SARM1: variants seen among roughly 807,000 people sequenced by gnomAD.
SARM1 encodes the protein NAD(+) hydrolase SARM1.
A neutral mutation model predicts 65.1 loss-of-function variants in SARM1; 60 were observed. That is an observed-to-expected ratio of 0.92 (90% CI 0.75 to 1.14). The LOEUF (loss-of-function observed/expected upper bound fraction) is 1.14. SARM1 is among the 50% of genes most tolerant of loss of function. The pLI is 0.00. For missense variants in SARM1, 913 were observed against 1,015.7 expected, an observed-to-expected ratio of 0.90 and a Z score of 1.37; for synonymous variants, 417 against 465.4, an observed-to-expected ratio of 0.90 and a Z score of 1.34.
In SARM1 at chr17:28,385,926, A is replaced by T. The variant is rs1555585979; in HGVS notation, c.1630+651A>T. On this transcript the variant is annotated intron_variant, in intron 5 of 8. Transcript: ENST00000585482. The surrounding 1 kb of genome is among the most constrained non-coding windows in gnomAD (Gnocchi z 4.5). ...TATTATCCCATCAGTCTCTATATTG[A>T]TTCTATGCAATGAGTGTTCAGTTTT... 6.6e-6 allele frequency among the ~76,000 whole-genome samples: 1 copy of T among 152,200 alleles called. No homozygotes were observed. Among genetic ancestry groups the T allele is most frequent in the African/African-American group, 2.4e-5 (1 of 41,452 alleles).
chr17:28,374,898 A>T (rs1555584451), intron 1 of SARM1, among the ~76,000 whole-genome samples: 1 of 139,964 alleles, frequency 7.1e-6, no homozygotes, highest in African/African-American at 2.7e-5. Context: ...GCTTGAGCCC[A>T]GGAGGCGGAG....
chr17:28,399,410 A>T lies in SARM1; in HGVS notation c.*3124A>T, dbSNP rs538237589. On this transcript the variant is annotated 3_prime_UTR_variant, in exon 9 of 9. Transcript: ENST00000585482. ...AAAGGGAGAACTGACTCCTGTCCCAAATAGCTCCTCTGCCACCTGTCCTGC... is the reference window on the plus strand; with the variant it reads ...AAAGGGAGAACTGACTCCTGTCCCATATAGCTCCTCTGCCACCTGTCCTGC... 4 of 536,602 alleles carry T rather than the reference A, an allele frequency of 7.5e-6. No homozygotes were observed. The African/African-American group carries it at 7.6e-5, about 10-fold the overall frequency. 33.2% of individuals were successfully genotyped at this position (536,602 alleles called of 1,614,324 possible).
At position 28,388,553 on chromosome 17, in the gene SARM1, T is replaced by C; in HGVS notation, c.1923+14T>C. 1.2e-6 allele frequency: 2 copies of C among 1,609,584 alleles called. No homozygotes were observed. Among genetic ancestry groups the C allele is most frequent in the Non-Finnish European group, 1.7e-6 (2 of 1,178,938 alleles). On this transcript the variant is annotated intron_variant, in intron 7 of 8. Transcript: ENST00000585482. ...TGGGTGCATAAGGTAGGTGCCTGCCTATGCTTCTGCGGTCCCAGCATTGGC... is the reference window on the plus strand; with the variant it reads ...TGGGTGCATAAGGTAGGTGCCTGCCCATGCTTCTGCGGTCCCAGCATTGGC...
Position 28,381,116 on chromosome 17 carries a change from G to A in SARM1, c.471-87G>A, listed in dbSNP as rs1387330337. The A allele has an allele frequency of 6.9e-6, 10 of 1,446,994 alleles. No homozygotes were observed. In the East Asian group the frequency reaches 1.5e-4, roughly 21 times the overall value. 89.6% of individuals were successfully genotyped at this position (1,446,994 alleles called of 1,614,324 possible). A position where few individuals can be genotyped will look rare whatever the true frequency, so the allele number is the denominator to read the frequency against. On this transcript the variant is annotated intron_variant, in intron 1 of 8. Coordinates refer to ENST00000585482, the MANE Select transcript of SARM1 (RefSeq NM_015077.4). Reference sequence around the variant, plus strand: ...CTATATGAGGCCGGTGAGGCCCAGAGAGGGTTAGTGACCAGGCCCCAAACG... The same window carrying A: ...CTATATGAGGCCGGTGAGGCCCAGAAAGGGTTAGTGACCAGGCCCCAAACG...
chr17:28,393,833 G>C (rs2068093787), intron 7 of SARM1, among the ~76,000 whole-genome samples: 1 of 152,224 alleles, frequency 6.6e-6, no homozygotes, highest in Non-Finnish European at 1.5e-5. Context: ...ATGTCTGGCA[G>C]AGAAGACAAA....
At chr17:28,389,121 G>A (rs1229671416) in intron 7 of SARM1, among the ~76,000 whole-genome samples, 2 of 152,150 alleles carry the variant, frequency 1.3e-5, no homozygotes, top group African/African-American at 2.4e-5. Context: ...AGAGCATAGC[G>A]ACAGGCAGAA....
Position 28,384,951 on chromosome 17 carries a change from C to G in SARM1, c.1394+21C>G, listed in dbSNP as rs782057307. On this transcript the variant is annotated intron_variant, in intron 4 of 8. Coordinates refer to ENST00000585482, the MANE Select transcript of SARM1 (RefSeq NM_015077.4). This position sits in a 1 kb window ranked among gnomAD's most constrained non-coding sequence, Gnocchi z 4.4. ...AAGAGGTACGGAGCCTCCTGCCCGC[C>G]GGACCCCAGCTAGGTCTAAATAAGC... The G allele has an allele frequency of 6.3e-7, 1 of 1,576,644 alleles. No individual in the cohort carries two copies. Among genetic ancestry groups the G allele is most frequent in the South Asian group, 1.2e-5 (1 of 86,682 alleles).
rs782159153 is a variant in SARM1 at position 28,402,314 on chromosome 17, C to A, written c.*6028C>A. 6.2e-7 allele frequency: 1 copy of A among 1,613,088 alleles called. No homozygotes were observed. The highest frequency in any genetic ancestry group is 1.1e-5 in the South Asian group (1 of 90,832). On this transcript the variant is annotated 3_prime_UTR_variant, in exon 9 of 9. Coordinates refer to ENST00000585482, the MANE Select transcript of SARM1 (RefSeq NM_015077.4). Reference sequence around the variant, plus strand: ...TGATGACTAATGACAGGAAAAGCAACCCATATCCTGTGGAGAAACAAACAC... The same window carrying A: ...TGATGACTAATGACAGGAAAAGCAAACCATATCCTGTGGAGAAACAAACAC...
Position 28,399,922 on chromosome 17 carries a change from C to A in SARM1, c.*3636C>A. ...CTTTTTTTTTTTTAAGAGACAGGGT[C>A]TTGCTCTGTTGTCCAGGCTGGAGGG... On this transcript the variant is annotated 3_prime_UTR_variant, in exon 9 of 9. Coordinates refer to ENST00000585482, the MANE Select transcript of SARM1 (RefSeq NM_015077.4). 1.8e-6 allele frequency: 1 copy of A among 559,978 alleles called. No homozygotes were observed. Among genetic ancestry groups the A allele is most frequent in the Non-Finnish European group, 3.2e-6 (1 of 311,614 alleles). The allele number at this position is 559,978 out of a possible 1,614,324, so 34.7% of individuals were successfully genotyped here.
In SARM1 at chr17:28,401,567, A is replaced by T. The variant is rs995635652; in HGVS notation, c.*5281A>T. On this transcript the variant is annotated 3_prime_UTR_variant, in exon 9 of 9. Coordinates refer to ENST00000585482, the MANE Select transcript of SARM1 (RefSeq NM_015077.4). The stretch of plus-strand genomic sequence containing the variant: ...TGGAGAAGCTGTTCTTTATAGATAT[A>T]CCAGGAGAACCCACAGTTTACAAAA... The T allele has an allele frequency of 4.6e-5, 7 of 152,322 alleles. No homozygotes were observed. The highest frequency in any genetic ancestry group is 1.3e-4 in the Admixed American group (2 of 15,294). 9.4% of individuals were successfully genotyped at this position (152,322 alleles called of 1,614,324 possible).
chr17:28,376,866 T>C (rs965725769), intron 1 of SARM1, among the ~76,000 whole-genome samples: 2 of 152,036 alleles, frequency 1.3e-5, no homozygotes, highest in African/African-American at 4.8e-5. Context: ...TTGGGCTCAC[T>C]GCAACCTCTG....
At position 28,402,094 on chromosome 17, in the gene SARM1, C is replaced by T. The variant is rs782506611; in HGVS notation, c.*5808C>T. 4.5e-5 allele frequency: 30 copies of T among 664,088 alleles called. No individual in the cohort carries two copies. The highest frequency in any genetic ancestry group is 7.3e-5 in the Non-Finnish European group (29 of 399,514). The allele number at this position is 664,088 out of a possible 1,614,324, so 41.1% of individuals were successfully genotyped here. A position where few individuals can be genotyped will look rare whatever the true frequency, so the allele number is the denominator to read the frequency against. ...CCTCTGCCCATTGTGGGCAATTTCA[C>T]AGAAATGTGTTTGTTTTGGCCACTT... is the stretch of plus-strand genomic sequence containing the variant. On this transcript the variant is annotated 3_prime_UTR_variant, in exon 9 of 9. Transcript: ENST00000585482.
At chr17:28,382,880 T>C (rs1208890677) in intron 2 of SARM1, among the ~76,000 whole-genome samples, 1 of 152,190 alleles carries the variant, frequency 6.6e-6, no homozygotes, top group Non-Finnish European at 1.5e-5. Flanking sequence ...TGTTACAGGT[T>C]GAAGATTCTC....
intron 7 of SARM1, among the ~76,000 whole-genome samples, chr17:28,391,793 G>T (rs1485876129): frequency 2.0e-5 from 3 of 148,066 alleles, no homozygotes; most frequent in African/African-American, 7.5e-5. Flanking sequence ...TGATTAAGCA[G>T]ACAAGTGATA....
intron 5 of SARM1, 113 bp from the exon 6 acceptor site, chr17:28,388,061 G>A: frequency 2.4e-6 from 2 of 829,874 alleles, no homozygotes; most frequent in South Asian, 3.1e-5. Flanking sequence ...CCCTCCCCAG[G>A]CTGGGCTGAG....
rs1299309037 is a variant in SARM1 at position 28,387,255 on chromosome 17, CAG to C, written c.1631-916_1631-915del. On this transcript the variant is annotated intron_variant, in intron 5 of 8. Coordinates refer to ENST00000585482, the MANE Select transcript of SARM1 (RefSeq NM_015077.4). ...TCTTTTCTTTTTTTTTTTTTTTAGT[CAG>C]AGTCTCACTCTGTCGCCCAGGCTAG... is the stretch of plus-strand genomic sequence containing the variant. Among the ~76,000 whole-genome samples, 30 of 135,104 alleles carry C rather than the reference CAG, an allele frequency of 2.2e-4. No homozygotes were observed. The East Asian group carries it at 5.1e-3, about 23-fold the overall frequency. 88.6% of individuals were successfully genotyped at this position (135,104 alleles called of 152,430 possible).
At position 28,397,255 on chromosome 17, in the gene SARM1, C is replaced by T. The variant is rs555975005; in HGVS notation, c.*969C>T. On this transcript the variant is annotated 3_prime_UTR_variant, in exon 9 of 9. Coordinates refer to ENST00000585482, the MANE Select transcript of SARM1 (RefSeq NM_015077.4). ...AGGGTTGTCACTTAGGGCAGCTTCT[C>T]CAACTTTAACATGCATCCAAGTCAC... The T allele has an allele frequency of 6.6e-6, 1 of 152,636 alleles. No homozygotes were observed. The highest frequency in any genetic ancestry group is 2.1e-4 in the South Asian group (1 of 4,822). The allele number at this position is 152,636 out of a possible 1,614,324, so 9.5% of individuals were successfully genotyped here. A position where few individuals can be genotyped will look rare whatever the true frequency, so the allele number is the denominator to read the frequency against.
At position 28,388,557 on chromosome 17, in the gene SARM1, C is replaced by T; in HGVS notation, c.1923+18C>T. 1 of 1,607,526 alleles carries T rather than the reference C, an allele frequency of 6.2e-7. No homozygotes were observed. The highest frequency in any genetic ancestry group is 8.5e-7 in the Non-Finnish European group (1 of 1,178,164). ...TGCATAAGGTAGGTGCCTGCCTATG[C>T]TTCTGCGGTCCCAGCATTGGCCTGT... On this transcript the variant is annotated intron_variant, in intron 7 of 8. Coordinates refer to ENST00000585482, the MANE Select transcript of SARM1 (RefSeq NM_015077.4).
chr17:28,384,718 G>C lies in SARM1; in HGVS notation c.1303-121G>C. ...ACGCAGCCACCGTTAGGGTCACTCG[G>C]CTCTGATCTAGGTCCCATCCGCCTC... is the stretch of plus-strand genomic sequence containing the variant. On this transcript the variant is annotated intron_variant, in intron 3 of 8. Transcript: ENST00000585482. The surrounding 1 kb of genome is among the most constrained non-coding windows in gnomAD (Gnocchi z 4.4). 3.3e-6 allele frequency: 4 copies of C among 1,208,328 alleles called. No individual in the cohort carries two copies. The highest frequency in any genetic ancestry group is 4.7e-6 in the Non-Finnish European group (4 of 847,578). The allele number at this position is 1,208,328 out of a possible 1,614,324, so 74.9% of individuals were successfully genotyped here. A position where few individuals can be genotyped will look rare whatever the true frequency, so the allele number is the denominator to read the frequency against.
Sources: allele counts gnomAD v4.1 joint callset (sites outside exome capture counted in the v4.1 genomes callset), GRCh38; gene constraint gnomAD v4.1.1; non-coding constraint Gnocchi (gnomAD v3.1); transcripts MANE v1.5; gene names NCBI Gene and HGNC (gene_info 2026-07-23, HGNC 2026-07-21).